The following SH2B3 variants were observed in gnomAD, a reference collection of about 807,000 sequenced individuals.
SH2B3 encodes SH2B adapter protein 3.
A neutral mutation model predicts 51.9 loss-of-function variants in SH2B3; 43 were observed. The observed-to-expected ratio is 0.83, with a 90% confidence interval of 0.65 to 1.07. The LOEUF (loss-of-function observed/expected upper bound fraction) is 1.07. Ranked by LOEUF, SH2B3 falls within the 50% of genes least tolerant of loss-of-function variation. The probability of loss-of-function intolerance (pLI) is 0.00; values close to 1 mark genes in which losing one functional copy is unlikely to be tolerated. For synonymous variants in SH2B3, 396 were observed against 376.0 expected, an observed-to-expected ratio of 1.05 and a Z score of -0.62; for missense variants, 952 against 834.3, an observed-to-expected ratio of 1.14 and a Z score of -1.74.
chr12:111,418,951 G>A lies in SH2B3; in HGVS notation c.732+74G>A, dbSNP rs533848393. The stretch of plus-strand genomic sequence containing the variant: ...CTTCACCCTGGGGAGAGCGCGGGCT[G>A]GGGAGGTGTGATGGCTTTCCAGCTG... On this transcript the variant is annotated intron_variant, in intron 2 of 7. Coordinates refer to ENST00000341259, the MANE Select transcript of SH2B3 (RefSeq NM_005475.3). The surrounding 1 kb of genome is among the most constrained non-coding windows in gnomAD (Gnocchi z 6.7). The A allele has an allele frequency of 1.5e-6, 2 of 1,300,008 alleles. No individual in the cohort carries two copies. Among genetic ancestry groups the A allele is most frequent in the South Asian group, 3.8e-5 (2 of 53,216 alleles). 80.5% of individuals were successfully genotyped at this position (1,300,008 alleles called of 1,614,324 possible).
At chr12:111,436,969 C>T (rs1179158172) in intron 2 of SH2B3, among the ~76,000 whole-genome samples, 1 of 152,088 alleles carries the variant, frequency 6.6e-6, no homozygotes, top group Non-Finnish European at 1.5e-5. Flanking sequence ...CCACACCACA[C>T]TCAGTCACTC....
chr12:111,438,982 T>C lies in SH2B3; in HGVS notation c.733-7771T>C, dbSNP rs1444627292. ...GGAGTTTTTGTTTTTGTTTGTTTGT[T>C]TGTTTGAGACAGTCTTGCTCTGTTG... On this transcript the variant is annotated intron_variant, in intron 2 of 7. Coordinates refer to ENST00000341259, the MANE Select transcript of SH2B3 (RefSeq NM_005475.3). This position sits in a 1 kb window ranked among gnomAD's most constrained non-coding sequence, Gnocchi z 4.2. 6.6e-6 allele frequency among the ~76,000 whole-genome samples: 1 copy of C among 152,110 alleles called. No homozygotes were observed. The highest frequency in any genetic ancestry group is 2.4e-5 in the African/African-American group (1 of 41,408).
chr12:111,442,460 A>G (rs1329047385), intron 2 of SH2B3, among the ~76,000 whole-genome samples: 3 of 152,128 alleles, frequency 2.0e-5, no homozygotes, highest in Admixed American at 2.0e-4. Context: ...GGCCTGTCCC[A>G]CTGCTGCTGT....
In SH2B3 at chr12:111,447,542, A is replaced by G; in HGVS notation, c.1234A>G (p.Lys412Glu). 1.4e-6 allele frequency: 1 copy of G among 722,408 alleles called. No individual in the cohort carries two copies. Among genetic ancestry groups the G allele is most frequent in the Non-Finnish European group, 2.2e-6 (1 of 464,926 alleles). 44.7% of individuals were successfully genotyped at this position (722,408 alleles called of 1,614,324 possible). The change falls in exon 6 of 8, where the codon AAG becomes GAG. Residue 412 changes from lysine (K) to glutamate (E), a missense_variant and splice_region_variant. Physicochemically the swap from Lys to Glu is moderately conservative, Grantham distance 56 (BLOSUM62 1). Transcript: ENST00000341259. The stretch of plus-strand genomic sequence containing the variant: ...CACTTTCAACTTTCAGGGGATAGCC[A>G]AGGTATGGGGTGGGGTGGGGTGGGG... ...VLTFNFQGIAKHLRLSLTERG... is the reference protein window; with the variant it reads ...VLTFNFQGIAEHLRLSLTERG...
intron 2 of SH2B3, among the ~76,000 whole-genome samples, chr12:111,423,855 A>G (rs1332611344): frequency 6.6e-6 from 1 of 152,106 alleles, no homozygotes; most frequent in Non-Finnish European, 1.5e-5. Context: ...GCTCATGCCT[A>G]TAATCCCAGC....
At chr12:111,417,775 T>C (rs996326241) in intron 1 of SH2B3, among the ~76,000 whole-genome samples, 4 of 152,116 alleles carry the variant, frequency 2.6e-5, no homozygotes, top group Non-Finnish European at 5.9e-5. Context: ...GGGCCTTCAG[T>C]GTGTTGAGGT....
chr12:111,437,122 C>T (rs538757513), intron 2 of SH2B3, among the ~76,000 whole-genome samples: 2 of 152,266 alleles, frequency 1.3e-5, no homozygotes, highest in South Asian at 4.1e-4. Flanking sequence ...GGGGTGGGCA[C>T]CAAGCCTTGC....
Position 111,418,117 on chromosome 12 carries a change from AG to A in SH2B3, c.-27-1del. On this transcript the variant is annotated splice_acceptor_variant, in intron 1 of 7. Transcript: ENST00000341259. LOFTEE classifies it low-confidence loss of function (5UTR_SPLICE). This position sits in a 1 kb window ranked among gnomAD's most constrained non-coding sequence, Gnocchi z 6.7. ...TCGCCCCCCCACCCACGTGTCTTTCAGCCCGGCCGCACCACCTGGGTCTCCG... is the reference window on the plus strand; with the variant it reads ...TCGCCCCCCCACCCACGTGTCTTTCACCCGGCCGCACCACCTGGGTCTCCG... 6.8e-7 allele frequency: 1 copy of A among 1,475,804 alleles called. No individual in the cohort carries two copies. The allele number at this position is 1,475,804 out of a possible 1,614,324, so 91.4% of individuals were successfully genotyped here.
rs757743643 is a variant in SH2B3, at chr12:111,418,272, C to T, written c.127C>T (p.Arg43Cys). The T allele has an allele frequency of 4.5e-4, 695 of 1,540,252 alleles. No homozygotes were observed. The highest frequency in any genetic ancestry group is 5.9e-4 in the Non-Finnish European group (680 of 1,150,452). ...CGTAGCGGCGGCCCGGGAGCTGGCC[C>T]GCCAGTACTGGCTGTTCGCCCGGGA... ...HAVAAARELA[R>C]QYWLFAREHP... The change falls in exon 2 of 8, where the codon CGC (arginine) becomes TGC (cysteine). Residue 43 changes from arginine to cysteine, a missense_variant. Arg to Cys is a radical substitution (Grantham distance 180). Coordinates refer to ENST00000341259, the MANE Select transcript of SH2B3 (RefSeq NM_005475.3). The surrounding 1 kb of genome is among the most constrained non-coding windows in gnomAD (Gnocchi z 6.7).
Position 111,418,865 on chromosome 12 carries a change from C to T in SH2B3, c.720C>T (p.Phe240=), listed in dbSNP as rs1486152471. The change falls in exon 2 of 8, where the codon TTC becomes TTT. Residue 240 remains phenylalanine, a synonymous_variant. Transcript: ENST00000341259. The surrounding 1 kb of genome is among the most constrained non-coding windows in gnomAD (Gnocchi z 6.7). ...GCCCCGACCGCGTGCTGGAGCTCTT[C>T]GACCCACCCAAGGTAAGTAAGCCCT... is the stretch of plus-strand genomic sequence containing the variant. The part of the protein sequence containing the change: ...PDGPDRVLEL[F]DPPKSSRPKL... The T allele has an allele frequency of 2.1e-6, 3 of 1,412,486 alleles. No individual in the cohort carries two copies. Among genetic ancestry groups the T allele is most frequent in the Non-Finnish European group, 1.8e-6 (2 of 1,097,090 alleles). 87.5% of individuals were successfully genotyped at this position (1,412,486 alleles called of 1,614,324 possible). A position where few individuals can be genotyped will look rare whatever the true frequency, so the allele number is the denominator to read the frequency against.
chr12:111,418,370 C>T lies in SH2B3; in HGVS notation c.225C>T (p.Phe75=), dbSNP rs1871250528. 1.3e-6 allele frequency: 2 copies of T among 1,518,686 alleles called. No individual in the cohort carries two copies. Among genetic ancestry groups the T allele is most frequent in the Admixed American group, 2.0e-5 (1 of 49,916 alleles). 94.1% of individuals were successfully genotyped at this position (1,518,686 alleles called of 1,614,324 possible). ...TCACCGACCTCTTCCAGCGCTACTT[C>T]TGCCGCGAGGTGCGCGACGGACGGG... ...LQFTDLFQRY[F]CREVRDGRAP... Residue 75 remains phenylalanine, a synonymous_variant, in exon 2 of 8, where the codon TTC becomes TTT. Coordinates refer to ENST00000341259, the MANE Select transcript of SH2B3 (RefSeq NM_005475.3). This position sits in a 1 kb window ranked among gnomAD's most constrained non-coding sequence, Gnocchi z 6.7.
At chr12:111,416,960 CT>C (rs1871135008) in intron 1 of SH2B3, among the ~76,000 whole-genome samples, 1 of 152,214 alleles carries the variant, frequency 6.6e-6, no homozygotes. Context: ...TCTGCCAGAC[CT>C]TTCTTGCCCA....
rs1394621810 is a variant in SH2B3, at chr12:111,447,718, G to A, written c.1299G>A (p.Ser433=). 6.8e-6 allele frequency: 11 copies of A among 1,613,800 alleles called. No individual in the cohort carries two copies. Among genetic ancestry groups the A allele is most frequent in the Non-Finnish European group, 8.5e-6 (10 of 1,179,996 alleles). Residue 433 remains serine, a synonymous_variant, in exon 7 of 8, where the codon TCG becomes TCA. Coordinates refer to ENST00000341259, the MANE Select transcript of SH2B3 (RefSeq NM_005475.3). ...QCRVQHLHFP[S]VVDMLHHFQR... is the part of the protein sequence containing the mutation. ...GTGTGCAGCACCTCCACTTTCCCTCGGTCGTGGACATGCTCCACCACTTCC... is the reference window on the plus strand; with the variant it reads ...GTGTGCAGCACCTCCACTTTCCCTCAGTCGTGGACATGCTCCACCACTTCC...
intron 6 of SH2B3, 45 bp downstream of exon 6, chr12:111,447,589 AC>A: frequency 6.2e-7 from 1 of 1,607,492 alleles, no homozygotes. Context: ...GGACCGTGCC[AC>A]CCCTCTCCAC....
intron 1 of SH2B3, among the ~76,000 whole-genome samples, chr12:111,414,964 C>T (rs1044923323): frequency 2.0e-5 from 3 of 152,188 alleles, no homozygotes; most frequent in African/African-American, 7.2e-5. Context: ...CAATACGTGT[C>T]CCCCTTTGTA....
chr12:111,431,014 G>A (rs1045765128), intron 2 of SH2B3, among the ~76,000 whole-genome samples: 13 of 142,784 alleles, frequency 9.1e-5, no homozygotes, highest in African/African-American at 2.3e-4. Flanking sequence ...TCCGAGTGCC[G>A]GCCGGGGGTG....
At chr12:111,422,696 G>C (rs1182636969) in intron 2 of SH2B3, among the ~76,000 whole-genome samples, 1 of 152,118 alleles carries the variant, frequency 6.6e-6, no homozygotes, top group Non-Finnish European at 1.5e-5. Context: ...GAGTAGCTGG[G>C]ATTACAGGCG....
chr12:111,447,341 G>A lies in SH2B3; in HGVS notation c.1033G>A (p.Gly345Arg). ...TDSLNQGASP[G>R]GLLDPACQKT... ...ATCTTATCTAACAGGTGCTTCTCCT[G>A]GGGGGCTGCTGGACCCGGCCTGCCA... The change falls in exon 6 of 8, where the codon GGG becomes AGG. Residue 345 changes from glycine (G) to arginine (R), a missense_variant. Transcript: ENST00000341259. The A allele has an allele frequency of 1.2e-6, 2 of 1,613,340 alleles. No homozygotes were observed. The highest frequency in any genetic ancestry group is 1.7e-6 in the Non-Finnish European group (2 of 1,179,462).
chr12:111,429,048 AGAGGAGGAGGAG>A lies in SH2B3; in HGVS notation c.732+10182_732+10193del, dbSNP rs1233507017. Among the ~76,000 whole-genome samples, 3 of 125,126 alleles carry A rather than the reference AGAGGAGGAGGAG, an allele frequency of 2.4e-5. No homozygotes were observed. Among genetic ancestry groups the A allele is most frequent in the Non-Finnish European group, 5.2e-5 (3 of 58,148 alleles). The allele number at this position is 125,126 out of a possible 152,430, so 82.1% of individuals were successfully genotyped here. On this transcript the variant is annotated intron_variant, in intron 2 of 7. Transcript: ENST00000341259. The surrounding 1 kb of genome is among the most constrained non-coding windows in gnomAD (Gnocchi z 4.4). ...AGGAGGAGGAGGAGGAGGAGGAGGA[AGAGGAGGAGGAG>A]GAGGAGGAGGGACGGCAGGAAGCCG...
Sources: allele counts gnomAD v4.1 joint callset (sites outside exome capture counted in the v4.1 genomes callset), GRCh38; gene constraint gnomAD v4.1.1; non-coding constraint Gnocchi (gnomAD v3.1); transcripts MANE v1.5; gene names NCBI Gene and HGNC (gene_info 2026-07-23, HGNC 2026-07-21).